The following ATL2 variants were observed in gnomAD, a reference collection of about 807,000 sequenced individuals.
The protein encoded by ATL2 is atlastin GTPase 2, also known as atlastin-2.
A neutral mutation model predicts 73.9 loss-of-function variants in ATL2; 31 were observed. That is an observed-to-expected ratio of 0.42 (90% CI 0.32 to 0.57). ATL2 has a LOEUF of 0.57. Ranked by LOEUF, ATL2 falls within the 20% of genes least tolerant of loss-of-function variation. ATL2 has a pLI of 0.14. For missense variants in ATL2, 738 were observed against 702.6 expected (o/e 1.05, Z -0.57); for synonymous variants, 291 against 237.5 (o/e 1.23, Z -2.07).
Position 38,352,921 on chromosome 2 carries a change from C to A in ATL2, c.119-9409G>T, listed in dbSNP as rs148594618. ...CCTCTAAGCTTTCCACAGACCCACACTAACGAAGTATGAAGCAAAGCCAAG... is the reference window on the plus strand; with the variant it reads ...CCTCTAAGCTTTCCACAGACCCACAATAACGAAGTATGAAGCAAAGCCAAG... On this transcript the variant is annotated intron_variant, in intron 1 of 12. Transcript: ENST00000378954. Among the ~76,000 whole-genome samples the A allele has an allele frequency of 3.1e-3, 476 of 152,346 alleles. 10 individuals are homozygous for A. Among genetic ancestry groups the A allele is most frequent in the Admixed American group, 0.029 (439 of 15,306 alleles).
intron 1 of ATL2, among the ~76,000 whole-genome samples, chr2:38,368,527 C>T (rs1671483994): frequency 6.6e-6 from 1 of 152,224 alleles, no homozygotes; most frequent in Admixed American, 6.5e-5. Context: ...GCTGGGATTA[C>T]AGGCATGAGC....
intron 1 of ATL2, among the ~76,000 whole-genome samples, chr2:38,356,653 G>C (rs1009681728): frequency 6.6e-6 from 1 of 152,160 alleles, no homozygotes; most frequent in African/African-American, 2.4e-5. Flanking sequence ...TTCCAACAAA[G>C]TTTTCCAGTA....
At chr2:38,304,310 A>C (rs949367995) in intron 9 of ATL2, among the ~76,000 whole-genome samples, 1 of 152,238 alleles carries the variant, frequency 6.6e-6, no homozygotes, top group African/African-American at 2.4e-5. Context: ...AAAATACTTC[A>C]AACATGAAGG....
chr2:38,375,095 C>T (rs1671887776), intron 1 of ATL2, among the ~76,000 whole-genome samples: 1 of 152,158 alleles, frequency 6.6e-6, no homozygotes, highest in South Asian at 2.1e-4. Context: ...TTCTAAAGAT[C>T]CTACATTCCT....
chr2:38,365,523 A>G (rs1363080261), intron 1 of ATL2, among the ~76,000 whole-genome samples: 1 of 151,934 alleles, frequency 6.6e-6, no homozygotes, highest in African/African-American at 2.4e-5. Flanking sequence ...AGGAGCAGTG[A>G]CTCACACCTG....
At chr2:38,329,916 G>A (rs989773832) in intron 2 of ATL2, among the ~76,000 whole-genome samples, 2 of 152,038 alleles carry the variant, frequency 1.3e-5, no homozygotes. Flanking sequence ...AATACCTGAG[G>A]TCAGGAGTTC....
intron 1 of ATL2, among the ~76,000 whole-genome samples, chr2:38,362,614 G>C (rs1052167291): frequency 1.3e-5 from 2 of 152,164 alleles, no homozygotes; most frequent in Admixed American, 1.3e-4. Flanking sequence ...AGGGGTGAAA[G>C]GTCTAGAACT....
chr2:38,375,801 C>T (rs771719163), intron 1 of ATL2, among the ~76,000 whole-genome samples: 6 of 152,204 alleles, frequency 3.9e-5, no homozygotes, highest in Non-Finnish European at 8.8e-5. Context: ...TTTTATTCTA[C>T]AGAGTGCTAC....
At chr2:38,301,133 G>C (rs1461189633) in intron 9 of ATL2, among the ~76,000 whole-genome samples, 1 of 152,110 alleles carries the variant, frequency 6.6e-6, no homozygotes, top group Non-Finnish European at 1.5e-5. Context: ...ACCACATCCA[G>C]CTAATTTCGT....
In ATL2 at chr2:38,343,459, G is replaced by T. The variant is rs907456252; in HGVS notation, c.172C>A (p.Pro58Thr). ...GCAAGAACAATCTGTACTGGACATG[G>T]TTTCTTCATAACCTCATCAGAATTT... ...LVNSDEVMKK[P>T]CPVQIVLAHE... The change falls in exon 2 of 13, where the codon CCA becomes ACA. Residue 58 changes from proline to threonine, a missense_variant. By Grantham distance (38) the Pro-to-Thr change is conservative. Coordinates refer to ENST00000378954, the MANE Select transcript of ATL2 (RefSeq NM_001135673.4). The T allele has an allele frequency of 1.1e-5, 18 of 1,610,736 alleles. No individual in the cohort carries two copies. Among genetic ancestry groups the T allele is most frequent in the Admixed American group, 1.7e-5 (1 of 59,682 alleles).
chr2:38,364,619 C>T (rs750931781), intron 1 of ATL2, among the ~76,000 whole-genome samples: 2 of 152,148 alleles, frequency 1.3e-5, no homozygotes, highest in Non-Finnish European at 2.9e-5. Flanking sequence ...TTCCTATTTC[C>T]GGAAGTATTT....
Position 38,300,309 on chromosome 2 carries a change from T to C in ATL2, c.1091A>G (p.Gln364Arg), listed in dbSNP as rs777464211. 25 of 1,609,070 alleles carry C rather than the reference T, an allele frequency of 1.6e-5. No homozygotes were observed. Among genetic ancestry groups the C allele is most frequent in the Middle Eastern group, 1.6e-4 (1 of 6,064 alleles). Reference protein sequence around the residue: ...EYFKAYIKIYQGEELPHPKSM... With the variant: ...EYFKAYIKIYRGEELPHPKSM... ...CTTTGGATGTGGAAGTTCTTCTCCT[T>C]GATAGATTTTGATGTAAGCCTAAAA... is the stretch of plus-strand genomic sequence containing the variant. The change falls in exon 10 of 13, where the codon CAA becomes CGA. Residue 364 changes from glutamine to arginine, a missense_variant. Physicochemically the swap from Gln to Arg is conservative, Grantham distance 43. Coordinates refer to ENST00000378954, the MANE Select transcript of ATL2 (RefSeq NM_001135673.4).
At chr2:38,355,085 G>C (rs1004696032) in intron 1 of ATL2, among the ~76,000 whole-genome samples, 5 of 86,590 alleles carry the variant, frequency 5.8e-5, no homozygotes, top group Non-Finnish European at 1.3e-4. Context: ...TAAAAACGCA[G>C]AGACTGCCAG....
At chr2:38,355,488 G>A (rs752574590) in intron 1 of ATL2, among the ~76,000 whole-genome samples, 3 of 151,962 alleles carry the variant, frequency 2.0e-5, no homozygotes, top group Non-Finnish European at 2.9e-5. Flanking sequence ...AAGTAAAAGG[G>A]GAAAAGGTAT....
intron 2 of ATL2, among the ~76,000 whole-genome samples, chr2:38,325,515 C>T (rs557802062): frequency 1.3e-5 from 2 of 152,090 alleles, no homozygotes; most frequent in East Asian, 3.9e-4. Flanking sequence ...CCACAAAATT[C>T]TCAAAGTAAT....
At chr2:38,365,462 C>G (rs1465694322) in intron 1 of ATL2, among the ~76,000 whole-genome samples, 1 of 152,076 alleles carries the variant, frequency 6.6e-6, no homozygotes, top group East Asian at 1.9e-4. Flanking sequence ...CAAGGCCAGC[C>G]TTGGCAACAT....
chr2:38,369,998 C>T (rs879334601), intron 1 of ATL2, among the ~76,000 whole-genome samples: 5 of 149,120 alleles, frequency 3.4e-5, no homozygotes, highest in Non-Finnish European at 5.9e-5. Flanking sequence ...AAAAAAAATA[C>T]AAAAAATTAG....
At chr2:38,373,749 A>G (rs890852930) in intron 1 of ATL2, among the ~76,000 whole-genome samples, 1 of 152,234 alleles carries the variant, frequency 6.6e-6, no homozygotes, top group Non-Finnish European at 1.5e-5. Flanking sequence ...TTGGCTTTGC[A>G]CTTCTGAATA....
intron 7 of ATL2, among the ~76,000 whole-genome samples, chr2:38,312,468 TG>T (rs1217558167): frequency 2.0e-5 from 3 of 152,070 alleles, no homozygotes; most frequent in African/African-American, 7.2e-5. Context: ...CCCAGCACTT[TG>T]GGAGGCCGAG....
Sources: allele counts gnomAD v4.1 joint callset (sites outside exome capture counted in the v4.1 genomes callset), GRCh38; gene constraint gnomAD v4.1.1; transcripts MANE v1.5; gene names NCBI Gene and HGNC (gene_info 2026-07-23, HGNC 2026-07-21).